LNPK: variants seen among roughly 807,000 people sequenced by gnomAD.
LNPK encodes the protein endoplasmic reticulum junction formation protein lunapark.
Under a neutral mutation model 55.2 loss-of-function variants are expected in LNPK, and 29 were observed. The observed-to-expected ratio is 0.53, with a 90% CI of 0.39 to 0.72. The LOEUF is 0.72. Among genes scored for constraint, LNPK ranks in the 30% least tolerant of loss-of-function variants. LNPK has a pLI of 0.00. For missense variants in LNPK, 467 were observed against 494.8 expected (o/e 0.94, Z 0.53); for synonymous variants, 162 against 168.2 (o/e 0.96, Z 0.29).
intron 5 of LNPK, among the ~76,000 whole-genome samples, chr2:175,978,047 T>A (rs947418094): frequency 1.3e-5 from 2 of 152,162 alleles, no homozygotes; most frequent in Non-Finnish European, 2.9e-5. Context: ...TAATGAAGGT[T>A]GAGACCCTAC....
At chr2:175,971,716 T>C (rs916005121) in intron 5 of LNPK, among the ~76,000 whole-genome samples, 11 of 152,138 alleles carry the variant, frequency 7.2e-5, no homozygotes, top group Non-Finnish European at 1.3e-4. Context: ...TTTTTCAAAA[T>C]AGATTAAGCA....
chr2:175,989,212 C>T (rs1687578722), intron 4 of LNPK, among the ~76,000 whole-genome samples: 1 of 152,106 alleles, frequency 6.6e-6, no homozygotes, highest in Non-Finnish European at 1.5e-5. Context: ...AGAGAGGAGG[C>T]ATGAAAATTG....
At chr2:175,984,373 C>G (rs1687313703) in intron 4 of LNPK, among the ~76,000 whole-genome samples, 1 of 151,928 alleles carries the variant, frequency 6.6e-6, no homozygotes, top group South Asian at 2.1e-4. Context: ...GACGAGGTTT[C>G]ACATGTTGGT....
Position 175,926,473 on chromosome 2 carries a change from G to C in LNPK, c.*3494C>G, listed in dbSNP as rs1023900817. ...ATGCCTTTGGATTTCCCAGGTTCCA[G>C]AACTGTGAGCCAAATAAATTTTTGT... On this transcript the variant is annotated 3_prime_UTR_variant, in exon 13 of 13. Transcript: ENST00000272748. 1 of 152,224 alleles carries C rather than the reference G, an allele frequency of 6.6e-6. No individual in the cohort carries two copies. Among genetic ancestry groups the C allele is most frequent in the African/African-American group, 2.4e-5 (1 of 41,454 alleles). The allele number at this position is 152,224 out of a possible 1,614,324, so 9.4% of individuals were successfully genotyped here.
chr2:175,965,640 G>A (rs947214179), intron 6 of LNPK, among the ~76,000 whole-genome samples: 6 of 152,054 alleles, frequency 3.9e-5, no homozygotes, highest in Admixed American at 2.0e-4. Context: ...CACTCAATTC[G>A]ACATTTAAGA....
chr2:175,956,000 C>T (rs545118121), intron 8 of LNPK, among the ~76,000 whole-genome samples: 1 of 152,132 alleles, frequency 6.6e-6, no homozygotes, highest in Admixed American at 6.5e-5. Context: ...ATTTTTTAGG[C>T]TGGGCGTGGT....
chr2:175,985,312 A>G (rs929617985), intron 4 of LNPK, among the ~76,000 whole-genome samples: 1 of 152,192 alleles, frequency 6.6e-6, no homozygotes, highest in African/African-American at 2.4e-5. Context: ...CAGGCGATAA[A>G]ATTGCACAGA....
intron 12 of LNPK, among the ~76,000 whole-genome samples, chr2:175,934,457 A>C (rs1320277140): frequency 6.6e-6 from 1 of 152,156 alleles, no homozygotes; most frequent in Non-Finnish European, 1.5e-5. Context: ...AGTTATTTCC[A>C]ATTGGACAAA....
intron 12 of LNPK, chr2:175,935,809 A>G: frequency 5.3e-6 from 4 of 754,682 alleles, no homozygotes; most frequent in Non-Finnish European, 6.5e-6. Flanking sequence ...GATGAGAAGG[A>G]TAGGTATAGC....
chr2:175,929,633 T>A lies in LNPK; in HGVS notation c.*334A>T, dbSNP rs1684166542. 4.8e-6 allele frequency: 5 copies of A among 1,040,192 alleles called. No individual in the cohort carries two copies. In the South Asian group the frequency reaches 2.2e-4, roughly 45 times the overall value. The allele number at this position is 1,040,192 out of a possible 1,614,324, so 64.4% of individuals were successfully genotyped here. A position where few individuals can be genotyped will look rare whatever the true frequency, so the allele number is the denominator to read the frequency against. On this transcript the variant is annotated 3_prime_UTR_variant, in exon 13 of 13. Transcript: ENST00000272748. ...TTACTCTTAACCAAAGTTCTTCCTA[T>A]GTCAAAATGGATATTTACGGGTTAT...
At chr2:175,937,153 T>A (rs1340649197) in intron 12 of LNPK, among the ~76,000 whole-genome samples, 191 bp downstream of exon 12, 1 of 152,130 alleles carries the variant, frequency 6.6e-6, no homozygotes, top group African/African-American at 2.4e-5. Context: ...CTTATCACAA[T>A]ACAACCTGCA....
intron 8 of LNPK, among the ~76,000 whole-genome samples, chr2:175,949,979 G>A (rs1194448075): frequency 3.9e-5 from 6 of 151,912 alleles, no homozygotes; most frequent in African/African-American, 1.5e-4. Context: ...AAAGTTTCCA[G>A]TACTCAACAA....
intron 1 of LNPK, 45 bp from the exon 2 acceptor site, chr2:175,995,691 C>T (rs1333770488): frequency 1.1e-6 from 1 of 888,674 alleles, no homozygotes; most frequent in Middle Eastern, 2.2e-4. Context: ...AAACACACAG[C>T]ATACCCACTA....
At chr2:175,938,519 A>G (rs1684661593) in intron 10 of LNPK, 136 bp from the exon 11 acceptor site, 2 of 445,218 alleles carry the variant, frequency 4.5e-6, no homozygotes. Flanking sequence ...GAGACTTAGT[A>G]AACAACAAAC....
chr2:175,969,613 C>T (rs1686558262), intron 6 of LNPK, among the ~76,000 whole-genome samples: 1 of 152,164 alleles, frequency 6.6e-6, no homozygotes, highest in Admixed American at 6.5e-5. Flanking sequence ...TCACCAGTAC[C>T]AGCTCTTCTT....
chr2:175,934,579 A>C (rs575881939), intron 12 of LNPK, among the ~76,000 whole-genome samples: 1 of 152,286 alleles, frequency 6.6e-6, no homozygotes, highest in African/African-American at 2.4e-5. Context: ...AAATCACTGC[A>C]TTAGAATATC....
intron 6 of LNPK, among the ~76,000 whole-genome samples, chr2:175,964,845 C>T (rs1009288571): frequency 6.6e-6 from 1 of 152,112 alleles, no homozygotes; most frequent in African/African-American, 2.4e-5. Context: ...TAATTACATG[C>T]ACCAACTTCA....
At chr2:175,994,453 T>TA (rs1012109202) in intron 2 of LNPK, among the ~76,000 whole-genome samples, 28 of 151,622 alleles carry the variant, frequency 1.8e-4, no homozygotes, top group Middle Eastern at 3.4e-3. Context: ...TAATAAGGAG[T>TA]AAAAAAAAAT....
In LNPK at chr2:175,924,842, C is replaced by T. The variant is rs1014397266; in HGVS notation, c.*5125G>A. 6.6e-6 allele frequency: 1 copy of T among 152,310 alleles called. No homozygotes were observed. Among genetic ancestry groups the T allele is most frequent in the African/African-American group, 2.4e-5 (1 of 41,384 alleles). The allele number at this position is 152,310 out of a possible 1,614,324, so 9.4% of individuals were successfully genotyped here. A position where few individuals can be genotyped will look rare whatever the true frequency, so the allele number is the denominator to read the frequency against. The stretch of plus-strand genomic sequence containing the variant: ...AAGGGGAGCTGGTGTGTGCAGAGAT[C>T]ACACAGCAAGAGAGAGGAAGCAAAG... On this transcript the variant is annotated 3_prime_UTR_variant, in exon 13 of 13. Coordinates refer to ENST00000272748, the MANE Select transcript of LNPK (RefSeq NM_030650.3).
Sources: gnomAD v4.1 joint callset for allele counts (sites outside exome capture counted in the v4.1 genomes callset) on GRCh38, gnomAD v4.1.1 for gene constraint, MANE v1.5 for transcripts, NCBI Gene and HGNC (gene_info 2026-07-23, HGNC 2026-07-21) for gene names.